The following FERMT1 variants were observed in gnomAD, a reference collection of about 807,000 sequenced individuals.
FERMT1 encodes the protein fermitin family homolog 1.
Under a neutral mutation model 85.3 loss-of-function variants are expected in FERMT1, and 60 were observed. The ratio of observed to expected loss-of-function variants is 0.70; its 90% CI spans 0.57 to 0.87. The LOEUF is 0.87. Among genes scored for constraint, FERMT1 ranks in the 40% least tolerant of loss-of-function variants. FERMT1 has a pLI of 0.00. For synonymous variants in FERMT1, 275 were observed against 301.1 expected, an observed-to-expected ratio of 0.91 and a Z score of 0.90; for missense variants, 701 against 818.9, an observed-to-expected ratio of 0.86 and a Z score of 1.76.
chr20:6,087,952 C>T, intron 10 of FERMT1, 69 bp from the exon 11 acceptor site: 1 of 907,222 alleles, frequency 1.1e-6, no homozygotes, highest in Non-Finnish European at 1.8e-6. Flanking sequence ...AGGTGTGTAT[C>T]TGAAATAAAG....
chr20:6,110,762 A>AAAAC (rs755515910), intron 4 of FERMT1, among the ~76,000 whole-genome samples: 19 of 152,234 alleles, frequency 1.2e-4, no homozygotes, highest in Middle Eastern at 3.4e-3. Flanking sequence ...TTCATCTCAA[A>AAAAC]AAACAAACAA....
chr20:6,119,970 T>C (rs1213287209), intron 1 of FERMT1, among the ~76,000 whole-genome samples: 1 of 152,226 alleles, frequency 6.6e-6, no homozygotes, highest in Non-Finnish European at 1.5e-5. Context: ...TATTAAGGTA[T>C]AATTTGCATG....
intron 2 of FERMT1, among the ~76,000 whole-genome samples, chr20:6,119,150 G>A (rs112980237): frequency 1.2e-4 from 19 of 152,292 alleles, no homozygotes; most frequent in African/African-American, 4.6e-4. Context: ...GTTTCGCCAT[G>A]TTGGCCAGCC....
At chr20:6,101,508 T>C (rs1248353733) in intron 6 of FERMT1, among the ~76,000 whole-genome samples, 1 of 152,218 alleles carries the variant, frequency 6.6e-6, no homozygotes, top group African/African-American at 2.4e-5. Flanking sequence ...GAAAATCTAT[T>C]CAAAAATATG....
intron 6 of FERMT1, among the ~76,000 whole-genome samples, chr20:6,106,308 C>T (rs1982795647): frequency 6.6e-6 from 1 of 152,112 alleles, no homozygotes; most frequent in South Asian, 2.1e-4. Flanking sequence ...TTGAAGATGG[C>T]AGTTGGGGAA....
At chr20:6,101,597 A>G (rs958395792) in intron 6 of FERMT1, among the ~76,000 whole-genome samples, 1 of 152,204 alleles carries the variant, frequency 6.6e-6, no homozygotes, top group African/African-American at 2.4e-5. Flanking sequence ...GAGAATGGTC[A>G]TGATACAGAA....
intron 13 of FERMT1, among the ~76,000 whole-genome samples, chr20:6,083,712 A>AC (rs1247539723): frequency 6.6e-5 from 10 of 151,666 alleles, no homozygotes; most frequent in African/African-American, 2.4e-4. Flanking sequence ...AAAACAAAAA[A>AC]AAAAAAACCG....
intron 4 of FERMT1, among the ~76,000 whole-genome samples, chr20:6,111,868 C>CTT (rs11338566): frequency 4.2e-5 from 6 of 142,710 alleles, no homozygotes; most frequent in African/African-American, 1.5e-4. Context: ...TTTTTCTTTT[C>CTT]TTTTTTTTTT....
At chr20:6,118,221 C>T (rs1044129115) in intron 2 of FERMT1, among the ~76,000 whole-genome samples, 1 of 152,140 alleles carries the variant, frequency 6.6e-6, no homozygotes, top group Non-Finnish European at 1.5e-5. Flanking sequence ...CGAACCAAAA[C>T]AATATGCAAC....
chr20:6,077,365 GAGA>G lies in FERMT1; in HGVS notation c.1861-22_1861-20del. The G allele has an allele frequency of 6.2e-7, 1 of 1,613,824 alleles. No homozygotes were observed. Among genetic ancestry groups the G allele is most frequent in the South Asian group, 1.1e-5 (1 of 91,054 alleles). ...TGACCACCTGGAAGAGGAAGGCACA[GAGA>G]AGCTTAAACTCTGACAAGGAATGAT... On this transcript the variant is annotated intron_variant, in intron 14 of 14. Transcript: ENST00000217289.
intron 13 of FERMT1, among the ~76,000 whole-genome samples, chr20:6,082,992 A>C (rs1982043265): frequency 6.6e-6 from 1 of 151,494 alleles, no homozygotes; most frequent in Non-Finnish European, 1.5e-5. Context: ...TGTTAGAAGT[A>C]ATGGAGGAAT....
At chr20:6,109,196 G>A (rs1186693312) in intron 5 of FERMT1, among the ~76,000 whole-genome samples, 9 of 152,164 alleles carry the variant, frequency 5.9e-5, no homozygotes, top group East Asian at 1.9e-4. Context: ...GGGAGACCAA[G>A]CCTCAAATAA....
chr20:6,108,018 A>T (rs1482686340), intron 5 of FERMT1, among the ~76,000 whole-genome samples: 2 of 152,164 alleles, frequency 1.3e-5, no homozygotes, highest in African/African-American at 4.8e-5. Context: ...GGTGCATGCC[A>T]CCATGCCCGG....
intron 14 of FERMT1, among the ~76,000 whole-genome samples, 187 bp from the exon 15 acceptor site, chr20:6,077,533 G>A (rs1160822411): frequency 2.6e-5 from 4 of 151,998 alleles, no homozygotes; most frequent in Non-Finnish European, 4.4e-5. Flanking sequence ...CTCTCTTTGC[G>A]CCCTCTGGTG....
intron 14 of FERMT1, among the ~76,000 whole-genome samples, chr20:6,078,671 G>A (rs6038347): frequency 0.44 from 63,512 of 145,098 alleles, 14,511 homozygotes; most frequent in East Asian, 0.68. Context: ...AATTTTCTGT[G>A]GAGACAGGGT....
intron 4 of FERMT1, 43 bp from the exon 5 acceptor site, chr20:6,110,554 G>T: frequency 7.0e-7 from 1 of 1,426,726 alleles, no homozygotes. Context: ...GAGAATCCAG[G>T]GATATAAATC....
intron 6 of FERMT1, among the ~76,000 whole-genome samples, chr20:6,100,823 A>G (rs1885154463): frequency 6.6e-6 from 1 of 152,228 alleles, no homozygotes; most frequent in South Asian, 2.1e-4. Context: ...TTACAAATTT[A>G]TAAAATATAG....
chr20:6,076,340 C>T lies in FERMT1; in HGVS notation c.*833G>A. The stretch of plus-strand genomic sequence containing the variant: ...AACAGAGAGGACTGTGCCTGTCTTC[C>T]TGAATCCCAACCCAGAGTAGAAGCA... On this transcript the variant is annotated 3_prime_UTR_variant, in exon 15 of 15. Coordinates refer to ENST00000217289, the MANE Select transcript of FERMT1 (RefSeq NM_017671.5). 1 of 445,504 alleles carries T rather than the reference C, an allele frequency of 2.2e-6. No individual in the cohort carries two copies. Among genetic ancestry groups the T allele is most frequent in the Non-Finnish European group, 4.5e-6 (1 of 222,206 alleles). 27.6% of individuals were successfully genotyped at this position (445,504 alleles called of 1,614,324 possible).
intron 8 of FERMT1, among the ~76,000 whole-genome samples, chr20:6,095,732 C>T (rs1236378388): frequency 6.6e-6 from 1 of 152,224 alleles, no homozygotes; most frequent in African/African-American, 2.4e-5. Context: ...CCTATGTCTT[C>T]TATAAACGTG....
Sources: gnomAD v4.1 joint callset for allele counts (sites outside exome capture counted in the v4.1 genomes callset) on GRCh38, gnomAD v4.1.1 for gene constraint, MANE v1.5 for transcripts, NCBI Gene and HGNC (gene_info 2026-07-23, HGNC 2026-07-21) for gene names.